Variants in METTL25 observed in about 807,000 individuals in gnomAD.
The protein encoded by METTL25 is probable methyltransferase-like protein 25.
A neutral mutation model predicts 71.6 loss-of-function variants in METTL25; 64 were observed. The observed-to-expected ratio is 0.89, with a 90% CI of 0.73 to 1.10. The LOEUF (loss-of-function observed/expected upper bound fraction) is 1.10, where lower values mean the gene tolerates loss of function less well. Among genes scored for constraint, METTL25 ranks in the 50% least tolerant of loss-of-function variants. The pLI, the probability that METTL25 is intolerant of heterozygous loss-of-function variation, is 0.00. For synonymous variants in METTL25, 287 were observed against 250.3 expected, an observed-to-expected ratio of 1.15 and a Z score of -1.38; for missense variants, 807 against 707.0, an observed-to-expected ratio of 1.14 and a Z score of -1.60.
chr12:82,438,169 C>G (rs901758099), intron 7 of METTL25, among the ~76,000 whole-genome samples: 1 of 151,682 alleles, frequency 6.6e-6, no homozygotes, highest in Non-Finnish European at 1.5e-5. Context: ...AGTGCAATCT[C>G]TTATCCTATG....
In METTL25 at chr12:82,386,863, C is replaced by G; in HGVS notation, c.320C>G (p.Ala107Gly). ...ETSQKLVSVE[A>G]FALAAKYYSV... ...TCTCAGAAGTTGGTGAGTGTGGAAGCCTTTGCTCTGGCTGCGAAATACTAT... is the reference window on the plus strand; with the variant it reads ...TCTCAGAAGTTGGTGAGTGTGGAAGGCTTTGCTCTGGCTGCGAAATACTAT... Residue 107 changes from alanine to glycine, a missense_variant, in exon 2 of 12, where the codon GCC becomes GGC. By Grantham distance (60) the Ala-to-Gly change is moderately conservative. Transcript: ENST00000248306. 6.2e-7 allele frequency: 1 copy of G among 1,613,418 alleles called. No individual in the cohort carries two copies. Among genetic ancestry groups the G allele is most frequent in the Non-Finnish European group, 8.5e-7 (1 of 1,179,616 alleles).
chr12:82,420,852 G>C (rs1888413816), intron 5 of METTL25, among the ~76,000 whole-genome samples: 1 of 150,238 alleles, frequency 6.7e-6, no homozygotes, highest in Admixed American at 6.7e-5. Context: ...GATGAGGTTT[G>C]ATTTTTTTTT....
At chr12:82,361,627 G>A (rs909732776) in intron 1 of METTL25, among the ~76,000 whole-genome samples, 5 of 152,208 alleles carry the variant, frequency 3.3e-5, no homozygotes, top group African/African-American at 1.2e-4. Context: ...CACTGCTGGG[G>A]GACTTGGTGC....
intron 5 of METTL25, among the ~76,000 whole-genome samples, chr12:82,429,502 G>A (rs1889319766): frequency 6.6e-6 from 1 of 151,378 alleles, no homozygotes; most frequent in Admixed American, 6.6e-5. Context: ...GAATAGTGCT[G>A]CAATAAACAT....
intron 3 of METTL25, among the ~76,000 whole-genome samples, chr12:82,397,878 C>T (rs1168582213): frequency 6.6e-6 from 1 of 151,936 alleles, no homozygotes; most frequent in African/African-American, 2.4e-5. Flanking sequence ...CTATACTACA[C>T]TGTTTTAGTT....
At chr12:82,426,835 G>A (rs1889066547) in intron 5 of METTL25, among the ~76,000 whole-genome samples, 1 of 151,776 alleles carries the variant, frequency 6.6e-6, no homozygotes, top group African/African-American at 2.4e-5. Flanking sequence ...GAAATCAGTT[G>A]GGAAGCCCAG....
intron 1 of METTL25, among the ~76,000 whole-genome samples, chr12:82,369,990 C>T (rs1018607857): frequency 2.0e-5 from 3 of 152,138 alleles, no homozygotes; most frequent in Non-Finnish European, 4.4e-5. Context: ...TCTAGCTAGA[C>T]AGAAAAGTTC....
At chr12:82,362,681 C>T (rs1320052871) in intron 1 of METTL25, among the ~76,000 whole-genome samples, 6 of 151,998 alleles carry the variant, frequency 3.9e-5, no homozygotes, top group African/African-American at 9.7e-5. Flanking sequence ...GATGTGATAC[C>T]GTGTGATTTA....
At chr12:82,370,807 T>G (rs1392718401) in intron 1 of METTL25, among the ~76,000 whole-genome samples, 3 of 152,180 alleles carry the variant, frequency 2.0e-5, no homozygotes, top group Non-Finnish European at 4.4e-5. Context: ...TTTCTGTCTC[T>G]TTCTCTCTTT....
intron 1 of METTL25, among the ~76,000 whole-genome samples, chr12:82,374,609 C>G (rs1592600352): frequency 6.6e-6 from 1 of 152,086 alleles, no homozygotes; most frequent in Admixed American, 6.6e-5. Flanking sequence ...TCTCCAAGTC[C>G]CCACCCGACC....
At chr12:82,399,754 A>T (rs142062444) in intron 4 of METTL25, among the ~76,000 whole-genome samples, 1 of 152,192 alleles carries the variant, frequency 6.6e-6, no homozygotes, top group Non-Finnish European at 1.5e-5. Context: ...GTAATGTTCA[A>T]TGTTACACTT....
At chr12:82,427,498 T>C (rs1471370658) in intron 5 of METTL25, among the ~76,000 whole-genome samples, 1 of 151,976 alleles carries the variant, frequency 6.6e-6, no homozygotes, top group Non-Finnish European at 1.5e-5. Flanking sequence ...TAGTATTTTT[T>C]CTAGTCCAAG....
At chr12:82,436,341 C>T (rs1257928221) in intron 7 of METTL25, among the ~76,000 whole-genome samples, 2 of 151,298 alleles carry the variant, frequency 1.3e-5, no homozygotes, top group Admixed American at 6.6e-5. Context: ...GTGTTCCCTC[C>T]CATTTTAAAA....
rs777833231 is a variant in METTL25 at position 82,403,056 on chromosome 12, C to T, written c.1205C>T (p.Ser402Phe). 6.2e-7 allele frequency: 1 copy of T among 1,613,510 alleles called. No individual in the cohort carries two copies. Among genetic ancestry groups the T allele is most frequent in the Non-Finnish European group, 8.5e-7 (1 of 1,179,616 alleles). ...ACTTTGCGAATATTTACCTCCAACT[C>T]TGAAATCAAGGGAGTTTGCAGTGTG... ...PNTLRIFTSN[S>F]EIKGVCSVGC... Residue 402 changes from serine to phenylalanine, a missense_variant, in exon 5 of 12, where the codon TCT (serine) becomes TTT (phenylalanine). Transcript: ENST00000248306.
intron 1 of METTL25, among the ~76,000 whole-genome samples, chr12:82,359,905 C>T (rs1411295320): frequency 1.3e-5 from 2 of 152,198 alleles, no homozygotes; most frequent in African/African-American, 4.8e-5. Flanking sequence ...TTGGTAAATA[C>T]TGTTGTTGTT....
intron 8 of METTL25, among the ~76,000 whole-genome samples, chr12:82,454,442 A>G (rs185370015): frequency 6.6e-6 from 1 of 152,198 alleles, no homozygotes; most frequent in East Asian, 1.9e-4. Context: ...ATGAAGTAAC[A>G]TGATCACATC....
At chr12:82,361,064 T>C (rs567383260) in intron 1 of METTL25, among the ~76,000 whole-genome samples, 28 of 152,152 alleles carry the variant, frequency 1.8e-4, no homozygotes, top group African/African-American at 6.5e-4. Flanking sequence ...GCGCCAGCAG[T>C]CTGCTTTTAT....
rs539177573 is a variant in METTL25 at position 82,365,292 on chromosome 12, C to A, written c.259+6468C>A. Among the ~76,000 whole-genome samples, 5 of 152,258 alleles carry A rather than the reference C, an allele frequency of 3.3e-5. No homozygotes were observed. In the East Asian group the frequency reaches 9.6e-4, roughly 29 times the overall value. Reference sequence around the variant, plus strand: ...GAAGAGACACAAATCAATAACTGTTCTTTCCCTATGTGGAAATATAGTACT... The same window carrying A: ...GAAGAGACACAAATCAATAACTGTTATTTCCCTATGTGGAAATATAGTACT... On this transcript the variant is annotated intron_variant, in intron 1 of 11. Transcript: ENST00000248306.
At chr12:82,391,568 T>C (rs1387679211) in intron 3 of METTL25, among the ~76,000 whole-genome samples, 3 of 150,578 alleles carry the variant, frequency 2.0e-5, no homozygotes, top group East Asian at 1.9e-4. Flanking sequence ...ATAAATGTTA[T>C]ATAAAACATA....
Sources: allele counts gnomAD v4.1 joint callset (sites outside exome capture counted in the v4.1 genomes callset), GRCh38; gene constraint gnomAD v4.1.1; transcripts MANE v1.5; gene names NCBI Gene and HGNC (gene_info 2026-07-23, HGNC 2026-07-21).